The following EIF5A variants were observed in gnomAD, a reference collection of about 807,000 sequenced individuals.
EIF5A encodes the protein eukaryotic translation initiation factor 5A, also known as eukaryotic translation initiation factor 5A-1.
EIF5A carries 1 observed loss-of-function variant against 16.6 expected under a neutral mutation model. The ratio of observed to expected loss-of-function variants is 0.06; its 90% CI spans 0.02 to 0.28. The LOEUF is 0.28. EIF5A is among the 10% of genes least tolerant of loss of function. EIF5A has a pLI of 1.00. For synonymous variants in EIF5A, 80 were observed against 73.6 expected (o/e 1.09, Z -0.44); for missense variants, 29 against 196.1 (o/e 0.15, Z 5.09).
At position 7,311,923 on chromosome 17, in the gene EIF5A, A is replaced by C; in HGVS notation, c.*113A>C. 1 of 528,044 alleles carries C rather than the reference A, an allele frequency of 1.9e-6. No individual in the cohort carries two copies. Among genetic ancestry groups the C allele is most frequent in the Non-Finnish European group, 3.5e-6 (1 of 287,962 alleles). The allele number at this position is 528,044 out of a possible 1,614,324, so 32.7% of individuals were successfully genotyped here. On this transcript the variant is annotated 3_prime_UTR_variant, in exon 6 of 6. Coordinates refer to ENST00000336458, the MANE Select transcript of EIF5A (RefSeq NM_001970.5). ...TCCTAAGCTGGACTCCTCCTACACA[A>C]TTTATTTGACGTTTTATTTTGGTTT... is the stretch of plus-strand genomic sequence containing the variant.
At chr17:7,310,069 G>A in intron 2 of EIF5A, 1 of 1,448,180 alleles carries the variant, frequency 6.9e-7, no homozygotes, top group Non-Finnish European at 9.2e-7. Context: ...TCAATTCATA[G>A]GCCTTTATGC....
intron 2 of EIF5A, chr17:7,310,325 C>T (rs1179451552): frequency 6.3e-6 from 8 of 1,261,370 alleles, no homozygotes; most frequent in Non-Finnish European, 8.2e-6. Flanking sequence ...CCATCCCACT[C>T]TCCTTGGGTT....
At chr17:7,308,148 TGG>T in intron 1 of EIF5A, 6 of 83,744 alleles carry the variant, frequency 7.2e-5, no homozygotes, top group Non-Finnish European at 1.1e-4. Flanking sequence ...GAGGGCATGA[TGG>T]GGGGGGTTGG....
At chr17:7,307,958 T>G (rs1597613638) in intron 1 of EIF5A, 1 of 978,898 alleles carries the variant, frequency 1.0e-6, no homozygotes. Flanking sequence ...CCGGTGACGT[T>G]GGAGCGACGC....
chr17:7,308,066 C>G (rs1477762936), intron 1 of EIF5A: 1 of 985,012 alleles, frequency 1.0e-6, no homozygotes, highest in African/African-American at 1.8e-5. Flanking sequence ...CCCACCGGGG[C>G]AAGGGTACCT....
chr17:7,311,239 G>A (rs1461231216), intron 3 of EIF5A, 111 bp from the exon 4 acceptor site: 19 of 1,583,838 alleles, frequency 1.2e-5, no homozygotes, highest in Non-Finnish European at 1.4e-5. Flanking sequence ...TGGCAGGAGA[G>A]GGTGTTTGGT....
chr17:7,307,060 G>T, upstream of EIF5A: 3 of 1,603,162 alleles, frequency 1.9e-6, no homozygotes, highest in South Asian at 1.1e-5. Context: ...TGTGGAACTG[G>T]GGGGACTGAT....
Position 7,310,288 on chromosome 17 carries a change from C to T in EIF5A, c.165+488C>T, listed in dbSNP as rs1201278997. 4.1e-5 allele frequency: 53 copies of T among 1,287,424 alleles called. 1 individual carries two copies. The highest frequency in any genetic ancestry group is 5.1e-5 in the Non-Finnish European group (50 of 987,604). 79.8% of individuals were successfully genotyped at this position (1,287,424 alleles called of 1,614,324 possible). ...TCTAGCTTTCCCTTTGGAACTCTGA[C>T]GCAGGATCAAACTGCCCCTACCTGC... is the stretch of plus-strand genomic sequence containing the variant. On this transcript the variant is annotated intron_variant, in intron 2 of 5. Coordinates refer to ENST00000336458, the MANE Select transcript of EIF5A (RefSeq NM_001970.5).
At chr17:7,309,300 C>T (rs986607636) in intron 1 of EIF5A, among the ~76,000 whole-genome samples, 1 of 152,096 alleles carries the variant, frequency 6.6e-6, no homozygotes, top group Non-Finnish European at 1.5e-5. Context: ...CACCTGAGTC[C>T]TCCCCACTCC....
At chr17:7,310,777 A>T (rs2072799135) in intron 2 of EIF5A, 1 of 985,382 alleles carries the variant, frequency 1.0e-6, no homozygotes. Context: ...GTCTTCTCCA[A>T]GCCTGCCATG....
At chr17:7,308,983 C>G (rs1356530938) in intron 1 of EIF5A, among the ~76,000 whole-genome samples, 1 of 152,168 alleles carries the variant, frequency 6.6e-6, no homozygotes, top group African/African-American at 2.4e-5. Flanking sequence ...CTTTGGGAAC[C>G]AAGATCGAGG....
Position 7,311,914 on chromosome 17 carries a change from T to G in EIF5A, c.*104T>G. On this transcript the variant is annotated 3_prime_UTR_variant, in exon 6 of 6. Coordinates refer to ENST00000336458, the MANE Select transcript of EIF5A (RefSeq NM_001970.5). ...CTGGCCCGGTCCTAAGCTGGACTCC[T>G]CCTACACAATTTATTTGACGTTTTA... The G allele has an allele frequency of 1.8e-6, 1 of 560,772 alleles. No individual in the cohort carries two copies. Among genetic ancestry groups the G allele is most frequent in the Non-Finnish European group, 3.3e-6 (1 of 307,588 alleles). The allele number at this position is 560,772 out of a possible 1,614,324, so 34.7% of individuals were successfully genotyped here. A position where few individuals can be genotyped will look rare whatever the true frequency, so the allele number is the denominator to read the frequency against.
upstream of EIF5A, chr17:7,307,217 T>A: frequency 1.1e-5 from 15 of 1,344,066 alleles, no homozygotes; most frequent in South Asian, 2.2e-4. Flanking sequence ...TTTCAACGCC[T>A]GGCGTACTGA....
At chr17:7,308,598 G>T in intron 1 of EIF5A, 1 of 1,349,816 alleles carries the variant, frequency 7.4e-7, no homozygotes. Context: ...CCTTCGAGCT[G>T]GGAGGCCGGA....
intron 1 of EIF5A, 64 bp downstream of exon 1, chr17:7,307,816 C>T (rs2072670370): frequency 1.7e-6 from 1 of 590,598 alleles, no homozygotes; most frequent in Non-Finnish European, 2.1e-6. Flanking sequence ...GATGGAACTG[C>T]GCGGGGGTCG....
chr17:7,311,650 A>G lies in EIF5A; in HGVS notation c.*10A>G. 3.1e-6 allele frequency: 5 copies of G among 1,614,144 alleles called. No individual in the cohort carries two copies. The highest frequency in any genetic ancestry group is 2.2e-5 in the East Asian group (1 of 44,890). On this transcript the variant is annotated splice_region_variant and 3_prime_UTR_variant, in exon 5 of 6. Transcript: ENST00000336458. The stretch of plus-strand genomic sequence containing the variant: ...GGCCATGGCAAAATAACTGGCTCCC[A>G]GGTGAGTGTGACAAATCCCTCACTG...
chr17:7,308,370 G>T (rs1567610617), intron 1 of EIF5A: 1 of 1,188,474 alleles, frequency 8.4e-7, no homozygotes, highest in Non-Finnish European at 1.1e-6. Context: ...CCACATGGTC[G>T]GCAGGAGCCG....
In EIF5A at chr17:7,307,703, G is replaced by A; in HGVS notation, c.-71G>A. ...CGGCGGCAGCGGGCTCGGAGGCAGC[G>A]GTTGGGCTCGCGGCGAGCGGACGGG... On this transcript the variant is annotated 5_prime_UTR_variant, in exon 1 of 6. Transcript: ENST00000336458. 1.0e-5 allele frequency: 11 copies of A among 1,047,666 alleles called. No individual in the cohort carries two copies. Among genetic ancestry groups the A allele is most frequent in the Non-Finnish European group, 1.3e-5 (11 of 870,822 alleles). The allele number at this position is 1,047,666 out of a possible 1,614,324, so 64.9% of individuals were successfully genotyped here.
chr17:7,311,495 C>T lies in EIF5A; in HGVS notation c.402+14C>T, dbSNP rs769102309. On this transcript the variant is annotated intron_variant, in intron 4 of 5. Coordinates refer to ENST00000336458, the MANE Select transcript of EIF5A (RefSeq NM_001970.5). Reference sequence around the variant, plus strand: ...GAAGAGATCCTGGTATGGTGCCTCCCTCCCTGCTTCTGTGCTCAGCTTTGT... The same window carrying T: ...GAAGAGATCCTGGTATGGTGCCTCCTTCCCTGCTTCTGTGCTCAGCTTTGT... 5.0e-6 allele frequency: 8 copies of T among 1,614,124 alleles called. No homozygotes were observed. In the Middle Eastern group the frequency reaches 8.2e-4, roughly 166 times the overall value.
Sources: allele counts gnomAD v4.1 joint callset (sites outside exome capture counted in the v4.1 genomes callset), GRCh38; gene constraint gnomAD v4.1.1; transcripts MANE v1.5; gene names NCBI Gene and HGNC (gene_info 2026-07-23, HGNC 2026-07-21).